The following WNK2 variants were observed in gnomAD, a reference collection of about 807,000 sequenced individuals.
WNK2 encodes the protein WNK lysine deficient protein kinase 2, also known as serine/threonine-protein kinase WNK2.
A neutral mutation model predicts 192.1 loss-of-function variants in WNK2; 67 were observed. The ratio of observed to expected loss-of-function variants is 0.35; its 90% CI spans 0.29 to 0.43. The LOEUF (loss-of-function observed/expected upper bound fraction) is 0.43. Among genes scored for constraint, WNK2 ranks in the 20% least tolerant of loss-of-function variants. The pLI is 1.00. For synonymous variants in WNK2, 1,439 were observed against 1,393.9 expected, an observed-to-expected ratio of 1.03 and a Z score of -0.72; for missense variants, 2,698 against 3,089.7, an observed-to-expected ratio of 0.87 and a Z score of 3.01.
intron 29 of WNK2, among the ~76,000 whole-genome samples, chr9:93,319,961 T>G (rs897576536): frequency 3.3e-5 from 5 of 152,136 alleles, no homozygotes; most frequent in African/African-American, 7.2e-5. Context: ...CCCGGTCCAC[T>G]GTGGGGGCTG....
chr9:93,297,209 CGCATCCTCCCCTTT>C (rs973808156), intron 23 of WNK2, among the ~76,000 whole-genome samples: 4 of 150,600 alleles, frequency 2.7e-5, no homozygotes, highest in Non-Finnish European at 4.4e-5. Context: ...TCCACCCCTC[CGCATCCTCCCCTTT>C]GCATCCTCCC....
At chr9:93,280,497 C>A (rs1457611736) in intron 19 of WNK2, among the ~76,000 whole-genome samples, 1 of 152,184 alleles carries the variant, frequency 6.6e-6, no homozygotes, top group Non-Finnish European at 1.5e-5. Context: ...ACCCATTTTA[C>A]TTCTGTGTAC....
chr9:93,213,483 G>T (rs56710261), intron 2 of WNK2, among the ~76,000 whole-genome samples: 133 of 152,272 alleles, frequency 8.7e-4, no homozygotes, highest in African/African-American at 3.1e-3. Flanking sequence ...ATTCGTTATA[G>T]ATTCATTTAT....
chr9:93,289,585 G>A lies in WNK2; in HGVS notation c.4831G>A (p.Ala1611Thr), dbSNP rs759804565. The change falls in exon 20 of 30, where the codon GCG becomes ACG. Residue 1611 changes from alanine to threonine, a missense_variant. Physicochemically the swap from Ala to Thr is moderately conservative, Grantham distance 58. Transcript: ENST00000427277. ...DLALPPVPKE[A>T]VSGRVQLPQP... ...GGCCCTGCCCCCAGTGCCTAAGGAG[G>A]CGGTCTCAGGGCGTGTCCAGCTGCC... is the stretch of plus-strand genomic sequence containing the variant. 1.7e-5 allele frequency: 25 copies of A among 1,512,412 alleles called. No homozygotes were observed. The highest frequency in any genetic ancestry group is 1.8e-5 in the Non-Finnish European group (20 of 1,133,190). 93.7% of individuals were successfully genotyped at this position (1,512,412 alleles called of 1,614,324 possible).
Position 93,259,578 on chromosome 9 carries a change from T to C in WNK2, c.3030T>C (p.Pro1010=). ...CTGAGCCCCTCCAGCCCCACCTTCC[T>C]GAACAAGCTGCTCCAGCTGCTACAC... ...VRPEPLQPHL[P]EQAAPAATPG... is the part of the protein sequence containing the mutation. The change falls in exon 12 of 30, where the codon CCT becomes CCC. Residue 1010 remains proline (P), a synonymous_variant. Coordinates refer to ENST00000427277, the MANE Select transcript of WNK2 (RefSeq NM_006648.4). This position sits in a 1 kb window ranked among gnomAD's most constrained non-coding sequence, Gnocchi z 4.8. 1.9e-6 allele frequency: 3 copies of C among 1,592,556 alleles called. No homozygotes were observed. Among genetic ancestry groups the C allele is most frequent in the Non-Finnish European group, 2.5e-6 (3 of 1,176,756 alleles).
intron 2 of WNK2, among the ~76,000 whole-genome samples, chr9:93,223,609 C>G (rs996693519): frequency 7.9e-5 from 12 of 152,242 alleles, no homozygotes; most frequent in Admixed American, 2.6e-4. Context: ...GTGGCTTGCT[C>G]TGCACCAGCC....
rs1209154776 is a variant in WNK2, at chr9:93,263,374, CT to C, written c.3411-190del. On this transcript the variant is annotated intron_variant, in intron 14 of 29. Transcript: ENST00000427277. ...CCTGTGCTTCCTTCTGCCCGTGCCA[CT>C]TGGGTGCAGCAGGGAGCTGGGTGAG... The C allele has an allele frequency of 6.0e-6, 4 of 667,316 alleles. No individual in the cohort carries two copies. In the East Asian group the frequency reaches 1.1e-4, roughly 18 times the overall value. The allele number at this position is 667,316 out of a possible 1,614,324, so 41.3% of individuals were successfully genotyped here. A position where few individuals can be genotyped will look rare whatever the true frequency, so the allele number is the denominator to read the frequency against.
At chr9:93,208,496 G>A (rs1399500920) in intron 2 of WNK2, among the ~76,000 whole-genome samples, 1 of 152,232 alleles carries the variant, frequency 6.6e-6, no homozygotes, top group Non-Finnish European at 1.5e-5. Context: ...CTGTGTGCAT[G>A]TGTGTTCTCC....
chr9:93,310,125 C>T (rs1276860379), intron 28 of WNK2, among the ~76,000 whole-genome samples: 3 of 152,188 alleles, frequency 2.0e-5, no homozygotes, highest in African/African-American at 7.2e-5. Context: ...CCCTTCTCTC[C>T]ACATCCACAC....
intron 29 of WNK2, chr9:93,318,370 T>C: frequency 6.2e-7 from 1 of 1,612,494 alleles, no homozygotes; most frequent in Non-Finnish European, 8.5e-7. Context: ...CCCTGCTTTG[T>C]CCTCAGTAGA....
rs115536173 is a variant in WNK2 at position 93,201,205 on chromosome 9, C to G, written c.681+15595C>G. ...GTGGCCCTGGCTCTTAACAGCCCCT[C>G]TGTGTGGCCGAGTGCGTTTCACTGT... On this transcript the variant is annotated intron_variant, in intron 2 of 29. Coordinates refer to ENST00000427277, the MANE Select transcript of WNK2 (RefSeq NM_006648.4). 7.5e-3 allele frequency among the ~76,000 whole-genome samples: 1,136 copies of G among 152,270 alleles called. 17 individuals carry two copies. Among genetic ancestry groups the G allele is most frequent in the African/African-American group, 0.025 (1,054 of 41,542 alleles).
Position 93,299,199 on chromosome 9 carries a change from C to A in WNK2, c.6053C>A (p.Ala2018Asp). 1.0e-5 allele frequency: 16 copies of A among 1,600,702 alleles called. No individual in the cohort carries two copies. Among genetic ancestry groups the A allele is most frequent in the Non-Finnish European group, 1.4e-5 (16 of 1,170,730 alleles). The change falls in exon 25 of 30, where the codon GCC becomes GAC. Residue 2018 changes from alanine to aspartate, a missense_variant. Physicochemically the swap from Ala to Asp is moderately radical, Grantham distance 126. This residue lies in a region of WNK2 where 1,098 missense variants were observed against 1,101.0 expected (regional missense o/e 1.00). Coordinates refer to ENST00000427277, the MANE Select transcript of WNK2 (RefSeq NM_006648.4). ...VQTQQPCSVR[A>D]SLSSDICSGL... ...ACCCAGCAGCCCTGCTCCGTCCGGG[C>A]CTCCCTGTCTTCGGACATCTGCTCC...
At chr9:93,203,583 GC>G (rs1382153565) in intron 2 of WNK2, among the ~76,000 whole-genome samples, 1 of 152,186 alleles carries the variant, frequency 6.6e-6, no homozygotes, top group African/African-American at 2.4e-5. Context: ...ACGTGCCACT[GC>G]ACTCGGCAGA....
intron 29 of WNK2, chr9:93,319,155 A>T (rs1855208722): frequency 6.2e-7 from 1 of 1,614,108 alleles, no homozygotes; most frequent in Non-Finnish European, 8.5e-7. Flanking sequence ...GTGGCACGGA[A>T]TCCCCAATAG....
Position 93,239,660 on chromosome 9 carries a change from G to A in WNK2, c.1323-97G>A. The A allele has an allele frequency of 9.2e-7, 1 of 1,088,464 alleles. No homozygotes were observed. Among genetic ancestry groups the A allele is most frequent in the Non-Finnish European group, 1.3e-6 (1 of 757,118 alleles). The allele number at this position is 1,088,464 out of a possible 1,614,324, so 67.4% of individuals were successfully genotyped here. A position where few individuals can be genotyped will look rare whatever the true frequency, so the allele number is the denominator to read the frequency against. On this transcript the variant is annotated intron_variant, in intron 6 of 29. Transcript: ENST00000427277. The surrounding 1 kb of genome is among the most constrained non-coding windows in gnomAD (Gnocchi z 4.2). ...TGAGGCCTGGCCTCAGGCTCCTGCAGGTGTGCCTGTCCTTGTCCTGGTGCG... is the reference window on the plus strand; with the variant it reads ...TGAGGCCTGGCCTCAGGCTCCTGCAAGTGTGCCTGTCCTTGTCCTGGTGCG...
chr9:93,218,469 T>G (rs1173239612), intron 2 of WNK2, among the ~76,000 whole-genome samples: 1 of 152,130 alleles, frequency 6.6e-6, no homozygotes, highest in African/African-American at 2.4e-5. Context: ...TGAGTGCCGA[T>G]GTGTTCTCCT....
chr9:93,297,871 G>T lies in WNK2; in HGVS notation c.5727G>T (p.Ser1909=). 6.3e-7 allele frequency: 1 copy of T among 1,586,434 alleles called. No homozygotes were observed. Among genetic ancestry groups the T allele is most frequent in the Non-Finnish European group, 8.6e-7 (1 of 1,167,676 alleles). The stretch of plus-strand genomic sequence containing the variant: ...CCTGCAGGCACCTGAAGGAGATCTC[G>T]GAGCTGCAGAGCCAGCAGAAGCAGG... ...SLREKHLKEI[S]ELQSQQKQEI... Residue 1909 remains serine (S), a synonymous_variant, in exon 24 of 30, where the codon TCG becomes TCT. Transcript: ENST00000427277.
chr9:93,271,578 A>G (rs940573393), intron 19 of WNK2, among the ~76,000 whole-genome samples: 4 of 152,254 alleles, frequency 2.6e-5, no homozygotes, highest in African/African-American at 9.6e-5. Flanking sequence ...AACAAATGGA[A>G]TTTTTAACAT....
chr9:93,256,528 C>T (rs1843316865), intron 10 of WNK2, 74 bp downstream of exon 10: 1 of 1,412,340 alleles, frequency 7.1e-7, no homozygotes, highest in African/African-American at 1.4e-5. Flanking sequence ...GGGCCCAGGT[C>T]TATGAGCACC....
Sources: gnomAD v4.1 joint callset for allele counts (sites outside exome capture counted in the v4.1 genomes callset) on GRCh38, gnomAD v4.1.1 for gene constraint, gnomAD v4.1.1 regional missense constraint, Gnocchi (gnomAD v3.1) non-coding constraint, MANE v1.5 for transcripts, NCBI Gene and HGNC (gene_info 2026-07-23, HGNC 2026-07-21) for gene names.